RBFOX1: variants seen among roughly 807,000 people sequenced by gnomAD.
The protein encoded by RBFOX1 is RNA binding fox-1 homolog 1.
In RBFOX1, 8 loss-of-function variants were observed where a neutral mutation model predicts 57.7. The ratio of observed to expected loss-of-function variants is 0.14; its 90% confidence interval spans 0.08 to 0.25. The LOEUF (loss-of-function observed/expected upper bound fraction) is 0.25. Ranked by LOEUF, RBFOX1 falls within the 10% of genes least tolerant of loss-of-function variation. RBFOX1 has a pLI of 1.00. For missense variants in RBFOX1, 611 were observed against 548.5 expected (o/e 1.11, Z -1.14); for synonymous variants, 326 against 222.4 (o/e 1.47, Z -4.15).
intron 4 of RBFOX1, among the ~76,000 whole-genome samples, chr16:7,314,902 G>A (rs1329807646): frequency 6.6e-6 from 1 of 152,062 alleles, no homozygotes; most frequent in African/African-American, 2.4e-5. Flanking sequence ...GAATGTTATC[G>A]AGGACATTTA....
At chr16:7,337,596 C>G (rs2096815476) in intron 4 of RBFOX1, among the ~76,000 whole-genome samples, 1 of 152,212 alleles carries the variant, frequency 6.6e-6, no homozygotes, top group Non-Finnish European at 1.5e-5. Flanking sequence ...CTCCTAAGCA[C>G]TGCGTCTCTG....
At chr16:7,681,787 C>G (rs954733760) in intron 14 of RBFOX1, among the ~76,000 whole-genome samples, 1 of 151,990 alleles carries the variant, frequency 6.6e-6, no homozygotes, top group South Asian at 2.1e-4. Flanking sequence ...AATGAAAGTA[C>G]ACATGCAAAG....
chr16:5,925,788 C>A (rs556045852), intron 4 of RBFOX1, among the ~76,000 whole-genome samples: 1 of 152,104 alleles, frequency 6.6e-6, no homozygotes, highest in African/African-American at 2.4e-5. Context: ...CACCCTCTTT[C>A]CTGAAGAGGA....
At chr16:5,902,199 C>G (rs1045508759) in intron 4 of RBFOX1, among the ~76,000 whole-genome samples, 2 of 152,110 alleles carry the variant, frequency 1.3e-5, no homozygotes, top group African/African-American at 4.8e-5. Context: ...ACCCTTACAA[C>G]AGACCCATTA....
intron 3 of RBFOX1, among the ~76,000 whole-genome samples, chr16:6,794,174 T>C (rs1001755669): frequency 1.3e-5 from 2 of 152,118 alleles, no homozygotes; most frequent in African/African-American, 4.8e-5. Context: ...TTCCCATCAC[T>C]ACCTGGAGAA....
At chr16:6,547,176 C>A (rs6500795) in intron 2 of RBFOX1, among the ~76,000 whole-genome samples, 150,181 of 152,288 alleles carry the variant, frequency 0.99, 74,092 homozygotes, top group Middle Eastern at 1. Flanking sequence ...GGTGGGGAAA[C>A]GTTTATTATA....
At chr16:6,002,212 A>G (rs908289670) in intron 4 of RBFOX1, among the ~76,000 whole-genome samples, 14 of 152,100 alleles carry the variant, frequency 9.2e-5, no homozygotes, top group African/African-American at 3.4e-4. Context: ...CCTGGACTCA[A>G]ATGATCCTCC....
intron 9 of RBFOX1, among the ~76,000 whole-genome samples, chr16:7,604,083 A>G (rs748515757): frequency 3.3e-5 from 5 of 152,176 alleles, no homozygotes; most frequent in Non-Finnish European, 5.9e-5. Flanking sequence ...TGGATCACAC[A>G]TGGGGTATGA....
intron 3 of RBFOX1, among the ~76,000 whole-genome samples, chr16:7,002,923 G>A (rs1790680926): frequency 1.3e-5 from 2 of 151,828 alleles, no homozygotes; most frequent in South Asian, 4.2e-4. Flanking sequence ...CAGAAACTTA[G>A]GAAGTTAGAA....
chr16:5,512,566 A>G (rs74004352), intron 2 of RBFOX1, among the ~76,000 whole-genome samples: 5,129 of 152,194 alleles, frequency 0.034, 312 homozygotes, highest in African/African-American at 0.12. Context: ...TCTGTGACCT[A>G]GGGCAATTTA....
intron 3 of RBFOX1, among the ~76,000 whole-genome samples, chr16:6,821,598 A>G (rs1203344629): frequency 6.6e-6 from 1 of 152,134 alleles, no homozygotes; most frequent in East Asian, 1.9e-4. Context: ...GTCTGTCACA[A>G]TGGATGTGTC....
Position 5,511,617 on chromosome 16 carries a change from T to C in RBFOX1, c.258+44363T>C, listed in dbSNP as rs769660409. Among the ~76,000 whole-genome samples, 5 of 152,130 alleles carry C rather than the reference T, an allele frequency of 3.3e-5. No homozygotes were observed. In the South Asian group the frequency reaches 1.0e-3, roughly 31 times the overall value. Reference sequence around the variant, plus strand: ...CCCCTCAATATGATAATCAATAACTTTTTGAGTAGGTTCCAGTTTATCCCC... The same window carrying C: ...CCCCTCAATATGATAATCAATAACTCTTTGAGTAGGTTCCAGTTTATCCCC... On this transcript the variant is annotated intron_variant, in intron 2 of 2. Transcript: ENST00000585867.
At chr16:5,939,724 C>A (rs1450437942) in intron 4 of RBFOX1, among the ~76,000 whole-genome samples, 1 of 152,158 alleles carries the variant, frequency 6.6e-6, no homozygotes, top group East Asian at 1.9e-4. Flanking sequence ...GTCAGCAAAT[C>A]TGTGGATGTA....
chr16:6,490,491 C>G (rs990882234), intron 2 of RBFOX1, among the ~76,000 whole-genome samples: 3 of 152,228 alleles, frequency 2.0e-5, no homozygotes, highest in African/African-American at 7.2e-5. Context: ...TTCATACCAG[C>G]TGTCCTCAGC....
chr16:6,742,377 A>G lies in RBFOX1; in HGVS notation c.-16+87727A>G, dbSNP rs971054170. Among the ~76,000 whole-genome samples, 4 of 152,234 alleles carry G rather than the reference A, an allele frequency of 2.6e-5. No homozygotes were observed. In the East Asian group the frequency reaches 5.8e-4, roughly 22 times the overall value. Reference sequence around the variant, plus strand: ...TAGAAAGTGTGTCTCTCATATACTGATGATGGCAATGCAAAATGACACAAC... The same window carrying G: ...TAGAAAGTGTGTCTCTCATATACTGGTGATGGCAATGCAAAATGACACAAC... On this transcript the variant is annotated intron_variant, in intron 3 of 15. Transcript: ENST00000550418.
At chr16:5,462,679 C>T (rs1052101616) in intron 1 of RBFOX1, among the ~76,000 whole-genome samples, 2 of 152,120 alleles carry the variant, frequency 1.3e-5, no homozygotes, top group African/African-American at 4.8e-5. Context: ...GCATCCATGG[C>T]ATGGAATTCT....
At chr16:6,300,902 GC>G (rs563507169) in intron 1 of RBFOX1, among the ~76,000 whole-genome samples, 38 of 152,196 alleles carry the variant, frequency 2.5e-4, no homozygotes, top group African/African-American at 8.4e-4. Context: ...AAAATGGAAT[GC>G]CCCATTTATC....
intron 2 of RBFOX1, among the ~76,000 whole-genome samples, chr16:5,558,096 C>A (rs566413593): frequency 1.6e-3 from 246 of 152,288 alleles, no homozygotes; most frequent in Non-Finnish European, 2.9e-3. Context: ...GAGCCACTCC[C>A]ATCACTCAAT....
chr16:5,588,458 A>G (rs946954429), intron 2 of RBFOX1, among the ~76,000 whole-genome samples: 11 of 152,222 alleles, frequency 7.2e-5, no homozygotes, highest in African/African-American at 2.7e-4. Context: ...ATTGAAGCAC[A>G]TAGTAAATGC....
Sources: gnomAD v4.1 joint callset for allele counts (sites outside exome capture counted in the v4.1 genomes callset) on GRCh38, gnomAD v4.1.1 for gene constraint, MANE v1.5 for transcripts, NCBI Gene and HGNC (gene_info 2026-07-23, HGNC 2026-07-21) for gene names.